Variants in ETV5 observed in about 807,000 individuals in gnomAD.
ETV5 encodes the protein ETS variant transcription factor 5.
ETV5 carries 10 observed loss-of-function variants against 70.0 expected under a neutral mutation model. The ratio of observed to expected loss-of-function variants is 0.14; its 90% CI spans 0.09 to 0.24. The LOEUF (loss-of-function observed/expected upper bound fraction) is 0.24. Ranked by LOEUF, ETV5 falls within the 10% of genes least tolerant of loss-of-function variation. The pLI is 1.00. For missense variants in ETV5, 453 were observed against 651.2 expected (o/e 0.70, Z 3.31); for synonymous variants, 216 against 242.2 (o/e 0.89, Z 1.01).
In ETV5 at chr3:186,091,958, C is replaced by G. The variant is rs562202577; in HGVS notation, c.233-10783G>C. ...GGAAAGGAAGTGAGGGAAGGAGACA[C>G]CTTTCTTGCTCATGAGAGTAGATGA... On this transcript the variant is annotated intron_variant, in intron 5 of 12. Transcript: ENST00000306376. 1.3e-3 allele frequency among the ~76,000 whole-genome samples: 200 copies of G among 152,312 alleles called. 2 individuals are homozygous for G. The highest frequency in any genetic ancestry group is 4.7e-3 in the African/African-American group (195 of 41,564).
Position 186,046,962 on chromosome 3 carries a change from G to A in ETV5, c.*1677C>T, listed in dbSNP as rs1245761032. 3 of 230,240 alleles carry A rather than the reference G, an allele frequency of 1.3e-5. No homozygotes were observed. Among genetic ancestry groups the A allele is most frequent in the Non-Finnish European group, 2.6e-5 (3 of 115,918 alleles). 14.3% of individuals were successfully genotyped at this position (230,240 alleles called of 1,614,324 possible). A position where few individuals can be genotyped will look rare whatever the true frequency, so the allele number is the denominator to read the frequency against. The stretch of plus-strand genomic sequence containing the variant: ...TATAAAGTGCACCCCTTATCCCTGC[G>A]AACCTCTTCACAAATGTGCTGTTGG... On this transcript the variant is annotated 3_prime_UTR_variant, in exon 13 of 13. Transcript: ENST00000306376.
chr3:186,099,297 C>G (rs145036845), intron 5 of ETV5, among the ~76,000 whole-genome samples: 2 of 150,924 alleles, frequency 1.3e-5, no homozygotes, highest in African/African-American at 4.9e-5. Context: ...TAGAAACTGA[C>G]GACCAAAGCC....
intron 5 of ETV5, among the ~76,000 whole-genome samples, chr3:186,093,892 A>G (rs181855466): frequency 6.6e-6 from 1 of 152,232 alleles, no homozygotes; most frequent in Non-Finnish European, 1.5e-5. Context: ...ATGAGGCTGA[A>G]AGCTGCTCCC....
rs1031746164 is a variant in ETV5 at position 186,105,160 on chromosome 3, A to G, written c.232+145T>C. On this transcript the variant is annotated intron_variant, in intron 5 of 12. Coordinates refer to ENST00000306376, the MANE Select transcript of ETV5 (RefSeq NM_004454.3). The surrounding 1 kb of genome is among the most constrained non-coding windows in gnomAD (Gnocchi z 4.5). Reference sequence around the variant, plus strand: ...ATTTTATTATGAAATAAAAGTTTTCAGGGTTAATTCTGAATTATTAGAAGA... The same window carrying G: ...ATTTTATTATGAAATAAAAGTTTTCGGGGTTAATTCTGAATTATTAGAAGA... The G allele has an allele frequency of 1.9e-5, 11 of 588,522 alleles. No individual in the cohort carries two copies. The East Asian group carries it at 3.3e-4, about 18-fold the overall frequency. 36.5% of individuals were successfully genotyped at this position (588,522 alleles called of 1,614,324 possible).
chr3:186,053,647 G>A (rs984553829), intron 11 of ETV5, among the ~76,000 whole-genome samples: 3 of 152,170 alleles, frequency 2.0e-5, no homozygotes, highest in Non-Finnish European at 2.9e-5. Context: ...TCCAATTTCC[G>A]TTCAGTTGCT....
At chr3:186,064,791 A>T (rs1482822269) in intron 8 of ETV5, among the ~76,000 whole-genome samples, 2 of 152,218 alleles carry the variant, frequency 1.3e-5, no homozygotes, top group Non-Finnish European at 2.9e-5. Context: ...AGGGGAAAAA[A>T]TACTGGCTTT....
intron 7 of ETV5, among the ~76,000 whole-genome samples, chr3:186,067,565 T>C (rs1713481737): frequency 6.6e-6 from 1 of 151,836 alleles, no homozygotes; most frequent in Non-Finnish European, 1.5e-5. Flanking sequence ...TGAGCCGAGA[T>C]TGCGCCACTG....
Position 186,048,521 on chromosome 3 carries a change from G to A in ETV5, c.*118C>T. On this transcript the variant is annotated 3_prime_UTR_variant, in exon 13 of 13. Transcript: ENST00000306376. Reference sequence around the variant, plus strand: ...ATCCAGAGACAGCTTGGGTTCTCCAGATAATACTCAAAGGGCAAGCTTTAG... The same window carrying A: ...ATCCAGAGACAGCTTGGGTTCTCCAAATAATACTCAAAGGGCAAGCTTTAG... The A allele has an allele frequency of 1.1e-6, 1 of 915,850 alleles. No homozygotes were observed. Among genetic ancestry groups the A allele is most frequent in the Admixed American group, 2.2e-5 (1 of 45,910 alleles). 56.7% of individuals were successfully genotyped at this position (915,850 alleles called of 1,614,324 possible).
intron 5 of ETV5, among the ~76,000 whole-genome samples, chr3:186,085,242 G>C (rs1019639966): frequency 1.3e-5 from 2 of 152,026 alleles, no homozygotes; most frequent in East Asian, 3.9e-4. Flanking sequence ...AGAGAAAAAA[G>C]ACCAATCAAA....
intron 7 of ETV5, among the ~76,000 whole-genome samples, chr3:186,071,911 A>G (rs564808724): frequency 5.3e-5 from 8 of 151,418 alleles, no homozygotes; most frequent in African/African-American, 1.7e-4. Context: ...AATTCTACTG[A>G]CTCAGCCTCC....
At chr3:186,093,472 T>C (rs1714233601) in intron 5 of ETV5, among the ~76,000 whole-genome samples, 1 of 152,130 alleles carries the variant, frequency 6.6e-6, no homozygotes, top group African/African-American at 2.4e-5. Context: ...CTCCTTCCCA[T>C]CCCCCATTTC....
chr3:186,094,801 A>G (rs1476293495), intron 5 of ETV5, among the ~76,000 whole-genome samples: 1 of 152,208 alleles, frequency 6.6e-6, no homozygotes, highest in Non-Finnish European at 1.5e-5. Context: ...TGGGATGTGG[A>G]GAAACCAAAG....
In ETV5 at chr3:186,063,601, A is replaced by G. The variant is rs548986688; in HGVS notation, c.970+816T>C. Among the ~76,000 whole-genome samples, 8 of 152,356 alleles carry G rather than the reference A, an allele frequency of 5.3e-5. No individual in the cohort carries two copies. In the East Asian group the frequency reaches 1.5e-3, roughly 29 times the overall value. The stretch of plus-strand genomic sequence containing the variant: ...AACGATCATCTTCACATAAAAATAA[A>G]TGTTAGGATATGTGATAATCCAGGC... On this transcript the variant is annotated intron_variant, in intron 9 of 12. Transcript: ENST00000306376.
intron 9 of ETV5, among the ~76,000 whole-genome samples, chr3:186,058,182 A>AAG (rs1713213546): frequency 1.3e-5 from 2 of 149,802 alleles, no homozygotes; most frequent in Non-Finnish European, 3.0e-5. Context: ...GGCAAGGCAA[A>AAG]AAGTTAAAGG....
At chr3:186,062,628 A>C (rs1340267931) in intron 9 of ETV5, among the ~76,000 whole-genome samples, 5 of 152,192 alleles carry the variant, frequency 3.3e-5, no homozygotes, top group African/African-American at 1.2e-4. Context: ...TCAAAAAGAC[A>C]AAACAAAACC....
chr3:186,107,750 C>T (rs957972815), intron 1 of ETV5, among the ~76,000 whole-genome samples: 1 of 152,014 alleles, frequency 6.6e-6, no homozygotes, highest in African/African-American at 2.4e-5. Flanking sequence ...TGGCGCGCAG[C>T]GGGCCCGGTT....
intron 5 of ETV5, among the ~76,000 whole-genome samples, chr3:186,102,962 T>G (rs943861515): frequency 6.6e-6 from 1 of 152,160 alleles, no homozygotes; most frequent in Non-Finnish European, 1.5e-5. Context: ...GGCTCAAAGA[T>G]GCACCACCCA....
intron 5 of ETV5, among the ~76,000 whole-genome samples, chr3:186,093,821 G>T (rs1030688387): frequency 6.6e-6 from 1 of 152,184 alleles, no homozygotes; most frequent in Non-Finnish European, 1.5e-5. Flanking sequence ...ATGGGGTGGG[G>T]CAATAGCTTT....
intron 5 of ETV5, among the ~76,000 whole-genome samples, chr3:186,096,837 G>GT (rs1256658019): frequency 2.0e-5 from 3 of 152,144 alleles, no homozygotes; most frequent in Admixed American, 2.0e-4. Flanking sequence ...CACTGGACGT[G>GT]TGTCTGTGAG....
Sources: gnomAD v4.1 joint callset for allele counts (sites outside exome capture counted in the v4.1 genomes callset) on GRCh38, gnomAD v4.1.1 for gene constraint, Gnocchi (gnomAD v3.1) non-coding constraint, MANE v1.5 for transcripts, NCBI Gene and HGNC (gene_info 2026-07-23, HGNC 2026-07-21) for gene names.